The following ACSL4 variants were observed in gnomAD, a reference collection of about 807,000 sequenced individuals.
The protein encoded by ACSL4 is long-chain-fatty-acid--CoA ligase 4.
In ACSL4, 9 loss-of-function variants were observed where a neutral mutation model predicts 49.1. That is an observed-to-expected ratio of 0.18 (90% CI 0.11 to 0.32). The LOEUF is 0.32. Ranked by LOEUF, ACSL4 falls within the 10% of genes least tolerant of loss-of-function variation. The probability of loss-of-function intolerance (pLI) is 1.00; values close to 1 mark genes in which losing one functional copy is unlikely to be tolerated. For missense variants in ACSL4, 333 were observed against 493.7 expected, an observed-to-expected ratio of 0.67 and a Z score of 3.08; for synonymous variants, 191 against 170.3, an observed-to-expected ratio of 1.12 and a Z score of -0.95.
intron 1 of ACSL4, among the ~76,000 whole-genome samples, chrX:109,728,661 T>C (rs1348901922): frequency 8.9e-6 from 1 of 112,392 alleles, no homozygotes; most frequent in African/African-American, 3.2e-5. Context: ...TCTAAAATTG[T>C]TGAAAGAGAA....
rs188447678 is a variant in ACSL4, at chrX:109,675,701, T to C, written c.931-1228A>G. On this transcript the variant is annotated intron_variant, in intron 8 of 15. Coordinates refer to ENST00000672401, the MANE Select transcript of ACSL4 (RefSeq NM_001318510.2). ...AATTCACAAAGGGAAAAAAAAATTA[T>C]ACTCAAAGTTTACTGAAATGTTTTC... Among the ~76,000 whole-genome samples, 254 of 112,096 alleles carry C rather than the reference T, an allele frequency of 2.3e-3. 1 individual carries two copies. Among genetic ancestry groups the C allele is most frequent in the African/African-American group, 7.6e-3 (234 of 30,883 alleles).
chrX:109,649,412 A>C (rs943898705), intron 15 of ACSL4, among the ~76,000 whole-genome samples: 1 of 111,751 alleles, frequency 8.9e-6, no homozygotes, highest in Admixed American at 9.5e-5. Context: ...CCTAAGAAAA[A>C]CAAGCAATGG....
At chrX:109,667,658 A>G (rs893346418) in intron 11 of ACSL4, among the ~76,000 whole-genome samples, 1 of 112,121 alleles carries the variant, frequency 8.9e-6, no homozygotes, top group Non-Finnish European at 1.9e-5. Flanking sequence ...GCACTTTGGG[A>G]GGCCGAGGCA....
At chrX:109,725,935 T>C (rs147492676) in intron 1 of ACSL4, among the ~76,000 whole-genome samples, 3,208 of 110,727 alleles carry the variant, frequency 0.029, 57 homozygotes, top group Middle Eastern at 0.046. Flanking sequence ...TCAACAGTTA[T>C]TCATATGTGC....
chrX:109,717,896 T>G, intron 1 of ACSL4, among the ~76,000 whole-genome samples: 1 of 111,805 alleles, frequency 8.9e-6, no homozygotes, highest in Non-Finnish European at 1.9e-5. Flanking sequence ...TGTTAGCATA[T>G]TTTATGTGTA....
intron 1 of ACSL4, among the ~76,000 whole-genome samples, chrX:109,698,678 AAAG>A (rs1207966601): frequency 8.9e-6 from 1 of 111,845 alleles, no homozygotes; most frequent in East Asian, 2.8e-4. Context: ...TACAATTAGA[AAAG>A]AAGGCAGCAC....
intron 1 of ACSL4, among the ~76,000 whole-genome samples, chrX:109,709,835 G>T (rs377493891): frequency 8.9e-6 from 1 of 111,948 alleles, no homozygotes; most frequent in African/African-American, 3.2e-5. Context: ...GGCCGGGTGC[G>T]GTGGCTCACG....
chrX:109,703,351 T>C (rs1462741653), intron 1 of ACSL4, among the ~76,000 whole-genome samples: 2 of 111,998 alleles, frequency 1.8e-5, no homozygotes. Context: ...TTTTAGTTTT[T>C]ATAATTGTAC....
chrX:109,679,919 T>C (rs1369169629), intron 6 of ACSL4, among the ~76,000 whole-genome samples: 2 of 111,814 alleles, frequency 1.8e-5, no homozygotes, highest in Non-Finnish European at 3.8e-5. Context: ...CAACCTAGTG[T>C]AGAAAAACAA....
intron 1 of ACSL4, among the ~76,000 whole-genome samples, chrX:109,710,536 G>A (rs944379342): frequency 8.9e-6 from 1 of 111,866 alleles, no homozygotes; most frequent in African/African-American, 3.3e-5. Context: ...ACTTCAAACT[G>A]AAGTCAATTT....
At chrX:109,683,009 C>T (rs748423914) in intron 3 of ACSL4, 113 bp from the exon 4 acceptor site, 20 of 1,013,816 alleles carry the variant, frequency 2.0e-5, no homozygotes, top group South Asian at 4.1e-5. Context: ...AAGCTATGAG[C>T]GGCTTCTGAG....
intron 2 of ACSL4, chrX:109,691,960 T>C (rs1007287358): frequency 8.9e-6 from 1 of 112,088 alleles, no homozygotes; most frequent in Admixed American, 9.5e-5. Flanking sequence ...CTAGTATGAC[T>C]GAAAGCTTTT....
intron 2 of ACSL4, among the ~76,000 whole-genome samples, chrX:109,690,731 A>C (rs1466618593): frequency 1.0e-5 from 1 of 97,333 alleles, no homozygotes; most frequent in Non-Finnish European, 2.1e-5. Flanking sequence ...TTTGAGCACT[A>C]ATCTGTCCTA....
At chrX:109,650,648 T>C (rs1934979943) in intron 15 of ACSL4, among the ~76,000 whole-genome samples, 2 of 111,193 alleles carry the variant, frequency 1.8e-5, no homozygotes, top group Admixed American at 1.9e-4. Context: ...CTGCACATTG[T>C]GCACATGTAC....
intron 1 of ACSL4, among the ~76,000 whole-genome samples, chrX:109,728,214 A>G (rs987956193): frequency 7.1e-5 from 8 of 112,570 alleles, no homozygotes; most frequent in African/African-American, 2.6e-4. Context: ...AGCTGCTATA[A>G]AAGGAAAAAT....
At chrX:109,723,922 A>C (rs891238068) in intron 1 of ACSL4, among the ~76,000 whole-genome samples, 1 of 112,307 alleles carries the variant, frequency 8.9e-6, no homozygotes, top group Non-Finnish European at 1.9e-5. Context: ...CATTTCCCTA[A>C]TAACCAGAGT....
At chrX:109,716,101 G>A (rs1485177968) in intron 1 of ACSL4, among the ~76,000 whole-genome samples, 3 of 111,462 alleles carry the variant, frequency 2.7e-5, no homozygotes. Context: ...GTACATGTGC[G>A]TGCATTTGTT....
intron 1 of ACSL4, among the ~76,000 whole-genome samples, chrX:109,731,710 T>G (rs890012356): frequency 4.5e-5 from 5 of 111,564 alleles, no homozygotes; most frequent in Non-Finnish European, 1.9e-5. Context: ...AAGGTACAAG[T>G]ATACTAACAG....
intron 1 of ACSL4, among the ~76,000 whole-genome samples, chrX:109,708,783 T>C (rs937534167): frequency 2.7e-5 from 3 of 112,049 alleles, no homozygotes; most frequent in African/African-American, 9.7e-5. Flanking sequence ...GACATTCTCA[T>C]TGGAGTATTT....
Sources: allele counts gnomAD v4.1 joint callset (sites outside exome capture counted in the v4.1 genomes callset), GRCh38; gene constraint gnomAD v4.1.1; transcripts MANE v1.5; gene names NCBI Gene and HGNC (gene_info 2026-07-23, HGNC 2026-07-21).